Variants in C1QTNF1 observed in about 807,000 individuals in gnomAD.
C1QTNF1 encodes complement C1q tumor necrosis factor-related protein 1.
A neutral mutation model predicts 27.8 loss-of-function variants in C1QTNF1; 22 were observed. The ratio of observed to expected loss-of-function variants is 0.79; its 90% confidence interval spans 0.56 to 1.13. The LOEUF is 1.13. Among genes scored for constraint, C1QTNF1 ranks in the 50% most tolerant of loss-of-function variants. The pLI is 0.00. For synonymous variants in C1QTNF1, 166 were observed against 154.3 expected, an observed-to-expected ratio of 1.08 and a Z score of -0.56; for missense variants, 373 against 380.2, an observed-to-expected ratio of 0.98 and a Z score of 0.16.
Position 79,046,570 on chromosome 17 carries a change from T to A in C1QTNF1, c.171T>A (p.His57Gln). 1 of 1,614,156 alleles carries A rather than the reference T, an allele frequency of 6.2e-7. No individual in the cohort carries two copies. The highest frequency in any genetic ancestry group is 8.5e-7 in the Non-Finnish European group (1 of 1,180,018). ...PDHAERAEEQ[H>Q]EKYRPSQDQG... ...ATTCCCTCAGGGCTGAAGAACAACATGAAAAATACAGGCCCAGTCAGGACC... is the reference window on the plus strand; with the variant it reads ...ATTCCCTCAGGGCTGAAGAACAACAAGAAAAATACAGGCCCAGTCAGGACC... Residue 57 changes from histidine to glutamine, a missense_variant, in exon 3 of 4, where the codon CAT becomes CAA. Coordinates refer to ENST00000579760, the MANE Select transcript of C1QTNF1 (RefSeq NM_030968.5). The surrounding 1 kb of genome is among the most constrained non-coding windows in gnomAD (Gnocchi z 4.8).
intron 1 of C1QTNF1, among the ~76,000 whole-genome samples, chr17:79,026,423 G>T (rs185825050): frequency 6.6e-6 from 1 of 152,132 alleles, no homozygotes; most frequent in Non-Finnish European, 1.5e-5. Flanking sequence ...CAAAGTGCTG[G>T]GATTACAGGG....
In C1QTNF1 at chr17:79,047,562, G is replaced by A. The variant is rs766775216; in HGVS notation, c.320G>A (p.Arg107Gln). The A allele has an allele frequency of 6.5e-7, 1 of 1,528,684 alleles. No homozygotes were observed. Among genetic ancestry groups the A allele is most frequent in the East Asian group, 2.3e-5 (1 of 44,164 alleles). 94.7% of individuals were successfully genotyped at this position (1,528,684 alleles called of 1,614,324 possible). A position where few individuals can be genotyped will look rare whatever the true frequency, so the allele number is the denominator to read the frequency against. The part of the protein sequence containing the change: ...LKGEKGDRGD[R>Q]GLQGKYGKTG... ...GGGGAGAAGGGTGACCGCGGAGATCGAGGCCTCCAAGGGAAATATGGCAAA... is the reference window on the plus strand; with the variant it reads ...GGGGAGAAGGGTGACCGCGGAGATCAAGGCCTCCAAGGGAAATATGGCAAA... Residue 107 changes from arginine (R) to glutamine (Q), a missense_variant, in exon 4 of 4, where the codon CGA (arginine) becomes CAA (glutamine). Physicochemically the swap from Arg to Gln is conservative, Grantham distance 43. Transcript: ENST00000579760.
At position 79,046,766 on chromosome 17, in the gene C1QTNF1, C is replaced by T. The variant is rs187592493; in HGVS notation, c.295+72C>T. 2.9e-5 allele frequency: 46 copies of T among 1,588,238 alleles called. No homozygotes were observed. The highest frequency in any genetic ancestry group is 6.7e-5 in the East Asian group (3 of 44,522). On this transcript the variant is annotated intron_variant, in intron 3 of 3. Transcript: ENST00000579760. The surrounding 1 kb of genome is among the most constrained non-coding windows in gnomAD (Gnocchi z 4.8). ...GCTGATCCGGAGGAAGGGATGGAGTCGTTAGGGTGGGGCTAGGCGAGAGCA... is the reference window on the plus strand; with the variant it reads ...GCTGATCCGGAGGAAGGGATGGAGTTGTTAGGGTGGGGCTAGGCGAGAGCA...
At chr17:79,043,730 TG>T (rs2072487048) in intron 1 of C1QTNF1, 3 of 645,558 alleles carry the variant, frequency 4.6e-6, no homozygotes, top group Non-Finnish European at 8.6e-6. Context: ...TGTGTGTGCA[TG>T]TGCGTGTGTG....
Position 79,046,115 on chromosome 17 carries a change from G to C in C1QTNF1, c.156-440G>C, listed in dbSNP as rs1465713236. ...TTCCAATCAGGTTGGAAACATAAGA[G>C]TCTCTCCAGCGGCTACAGCTGAGGG... On this transcript the variant is annotated intron_variant, in intron 2 of 3. Transcript: ENST00000579760. The surrounding 1 kb of genome is among the most constrained non-coding windows in gnomAD (Gnocchi z 4.8). 6.6e-6 allele frequency among the ~76,000 whole-genome samples: 1 copy of C among 152,186 alleles called. No homozygotes were observed. The highest frequency in any genetic ancestry group is 2.4e-5 in the African/African-American group (1 of 41,438).
Position 79,046,321 on chromosome 17 carries a change from C to T in C1QTNF1, c.156-234C>T, listed in dbSNP as rs941841826. 6.6e-6 allele frequency among the ~76,000 whole-genome samples: 1 copy of T among 152,174 alleles called. No individual in the cohort carries two copies. The highest frequency in any genetic ancestry group is 1.5e-5 in the Non-Finnish European group (1 of 68,032). On this transcript the variant is annotated intron_variant, in intron 2 of 3. Transcript: ENST00000579760. The surrounding 1 kb of genome is among the most constrained non-coding windows in gnomAD (Gnocchi z 4.8). ...CCATCTTGCGTGGCACTCAATTGAT[C>T]GCTGCGTGTGTTTCCAGGACTGTCA...
chr17:79,025,415 G>A (rs530031362), intron 1 of C1QTNF1, among the ~76,000 whole-genome samples: 1 of 152,270 alleles, frequency 6.6e-6, no homozygotes, highest in South Asian at 2.1e-4. Flanking sequence ...CCTCTGTGAG[G>A]TGTTCCTGAC....
At position 79,047,824 on chromosome 17, in the gene C1QTNF1, C is replaced by T. The variant is rs1450258426; in HGVS notation, c.582C>T (p.Phe194=). 6 of 1,614,118 alleles carry T rather than the reference C, an allele frequency of 3.7e-6. No individual in the cohort carries two copies. Among genetic ancestry groups the T allele is most frequent in the Non-Finnish European group, 5.1e-6 (6 of 1,180,056 alleles). The change falls in exon 4 of 4, where the codon TTC becomes TTT. Residue 194 remains phenylalanine, a synonymous_variant. Coordinates refer to ENST00000579760, the MANE Select transcript of C1QTNF1 (RefSeq NM_030968.5). Reference sequence around the variant, plus strand: ...ACTGCTACGTGCCCGGCCTCTACTTCTTCAGCCTCAACGTGCACACCTGGA... The same window carrying T: ...ACTGCTACGTGCCCGGCCTCTACTTTTTCAGCCTCAACGTGCACACCTGGA... ...KFYCYVPGLY[F]FSLNVHTWNQ...
rs2145941054 is a variant in C1QTNF1, at chr17:79,048,961, T to A, written c.*873T>A. 6.6e-6 allele frequency: 1 copy of A among 152,200 alleles called. No homozygotes were observed. Among genetic ancestry groups the A allele is most frequent in the Non-Finnish European group, 1.5e-5 (1 of 68,002 alleles). The allele number at this position is 152,200 out of a possible 1,614,324, so 9.4% of individuals were successfully genotyped here. A position where few individuals can be genotyped will look rare whatever the true frequency, so the allele number is the denominator to read the frequency against. On this transcript the variant is annotated 3_prime_UTR_variant, in exon 4 of 4. Coordinates refer to ENST00000579760, the MANE Select transcript of C1QTNF1 (RefSeq NM_030968.5). ...CCAGAGCCCTGGGGGGTGGTCTCCA[T>A]GCCTGCCACCCTGGCATCGGCTTTC...
chr17:79,048,150 C>T lies in C1QTNF1; in HGVS notation c.*62C>T. Reference sequence around the variant, plus strand: ...CCCCTGCGCTGTGCTGACCCCACCGCCTCTTCCCCGATCCCTGGACTCCGA... The same window carrying T: ...CCCCTGCGCTGTGCTGACCCCACCGTCTCTTCCCCGATCCCTGGACTCCGA... On this transcript the variant is annotated 3_prime_UTR_variant, in exon 4 of 4. Coordinates refer to ENST00000579760, the MANE Select transcript of C1QTNF1 (RefSeq NM_030968.5). The T allele has an allele frequency of 2.3e-5, 32 of 1,410,746 alleles. No homozygotes were observed. Among genetic ancestry groups the T allele is most frequent in the Non-Finnish European group, 3.0e-5 (32 of 1,072,574 alleles). The allele number at this position is 1,410,746 out of a possible 1,614,324, so 87.4% of individuals were successfully genotyped here. A position where few individuals can be genotyped will look rare whatever the true frequency, so the allele number is the denominator to read the frequency against.
intron 1 of C1QTNF1, among the ~76,000 whole-genome samples, chr17:79,042,749 G>C (rs775488431): frequency 1.6e-4 from 24 of 152,200 alleles, no homozygotes; most frequent in Non-Finnish European, 4.4e-5. Flanking sequence ...CGAGAGGCTG[G>C]GTGGGCAGAG....
chr17:79,048,252 G>A lies in C1QTNF1; in HGVS notation c.*164G>A. On this transcript the variant is annotated 3_prime_UTR_variant, in exon 4 of 4. Transcript: ENST00000579760. ...GCGATCGGTGCTCCCAGATCCCGCAGCCTCTGGAGAGAGCTGACGGCAGAT... is the reference window on the plus strand; with the variant it reads ...GCGATCGGTGCTCCCAGATCCCGCAACCTCTGGAGAGAGCTGACGGCAGAT... The A allele has an allele frequency of 1.4e-6, 1 of 725,258 alleles. No homozygotes were observed. Among genetic ancestry groups the A allele is most frequent in the Non-Finnish European group, 2.1e-6 (1 of 466,692 alleles). 44.9% of individuals were successfully genotyped at this position (725,258 alleles called of 1,614,324 possible). A position where few individuals can be genotyped will look rare whatever the true frequency, so the allele number is the denominator to read the frequency against.
At chr17:79,025,845 C>A in intron 1 of C1QTNF1, 1 of 408,576 alleles carries the variant, frequency 2.4e-6, no homozygotes, top group Non-Finnish European at 5.0e-6. Context: ...TGGAGAGGCC[C>A]CTAGAGTCCA....
intron 1 of C1QTNF1, chr17:79,027,774 A>C (rs898205369): frequency 1.3e-5 from 2 of 152,256 alleles, no homozygotes; most frequent in East Asian, 3.9e-4. Context: ...GGGTGATATG[A>C]GTGGCTCTTG....
intron 3 of C1QTNF1, chr17:79,047,253 T>TTTTA: frequency 2.8e-6 from 1 of 363,554 alleles, no homozygotes. Context: ...TTTTTTTTTT[T>TTTTA]ACCAGGGCTT....
upstream of C1QTNF1, among the ~76,000 whole-genome samples, chr17:79,023,871 A>G (rs1283243887): frequency 6.6e-6 from 1 of 152,160 alleles, no homozygotes; most frequent in Non-Finnish European, 1.5e-5. Flanking sequence ...CGGATCCCGG[A>G]GGCCTTGGGG....
intron 1 of C1QTNF1, among the ~76,000 whole-genome samples, chr17:79,030,960 G>C (rs796597299): frequency 6.6e-6 from 1 of 151,196 alleles, no homozygotes; most frequent in Non-Finnish European, 1.5e-5. Flanking sequence ...AACTGGTGCT[G>C]CTGGCTGATT....
In C1QTNF1 at chr17:79,048,026, G is replaced by A. The variant is rs774458473; in HGVS notation, c.784G>A (p.Glu262Lys). Residue 262 changes from glutamate to lysine, a missense_variant, in exon 4 of 4, where the codon GAG (glutamate) becomes AAG (lysine). By Grantham distance (56) the Glu-to-Lys change is moderately conservative. Coordinates refer to ENST00000579760, the MANE Select transcript of C1QTNF1 (RefSeq NM_030968.5). ...KGERENAIFS[E>K]ELDTYITFSG... is the part of the protein sequence containing the mutation. The stretch of plus-strand genomic sequence containing the variant: ...CGAACGTGAGAACGCCATCTTCAGC[G>A]AGGAGCTGGACACCTACATCACCTT... 2 of 1,603,876 alleles carry A rather than the reference G, an allele frequency of 1.2e-6. No individual in the cohort carries two copies. Among genetic ancestry groups the A allele is most frequent in the South Asian group, 1.1e-5 (1 of 90,412 alleles).
intron 2 of C1QTNF1, among the ~76,000 whole-genome samples, chr17:79,045,233 C>T (rs1357760219): frequency 6.6e-6 from 1 of 152,122 alleles, no homozygotes; most frequent in African/African-American, 2.4e-5. Context: ...TGTGCAAAGG[C>T]ATGGCTGGTG....
Sources: gnomAD v4.1 joint callset for allele counts (sites outside exome capture counted in the v4.1 genomes callset) on GRCh38, gnomAD v4.1.1 for gene constraint, Gnocchi (gnomAD v3.1) non-coding constraint, MANE v1.5 for transcripts, NCBI Gene and HGNC (gene_info 2026-07-23, HGNC 2026-07-21) for gene names.